The following FLI1 variants were observed in gnomAD, a reference collection of about 807,000 sequenced individuals.
FLI1 encodes the protein Friend leukemia integration 1 transcription factor.
In FLI1, 13 loss-of-function variants were observed where a neutral mutation model predicts 53.1. The ratio of observed to expected loss-of-function variants is 0.24; its 90% CI spans 0.16 to 0.39. The LOEUF (loss-of-function observed/expected upper bound fraction) is 0.39, where lower values mean the gene tolerates loss of function less well. Among genes scored for constraint, FLI1 ranks in the 10% least tolerant of loss-of-function variants. The pLI is 1.00. For synonymous variants in FLI1, 244 were observed against 236.7 expected, an observed-to-expected ratio of 1.03 and a Z score of -0.28; for missense variants, 424 against 600.5, an observed-to-expected ratio of 0.71 and a Z score of 3.07.
intron 1 of FLI1, chr11:128,695,886 G>T (rs1313057109): frequency 6.6e-6 from 1 of 152,098 alleles, no homozygotes; most frequent in African/African-American, 2.4e-5. Flanking sequence ...AAACTCCCTC[G>T]CCCCAATCAG....
chr11:128,811,616 A>C lies in FLI1; in HGVS notation c.*628A>C, dbSNP rs7130622. The C allele has an allele frequency of 0.029, 6,280 of 214,520 alleles. 365 individuals are homozygous for C. The highest frequency in any genetic ancestry group is 0.13 in the African/African-American group (5,776 of 44,208). 13.3% of individuals were successfully genotyped at this position (214,520 alleles called of 1,614,324 possible). A position where few individuals can be genotyped will look rare whatever the true frequency, so the allele number is the denominator to read the frequency against. On this transcript the variant is annotated 3_prime_UTR_variant, in exon 9 of 9. Transcript: ENST00000527786. Reference sequence around the variant, plus strand: ...GCACTCAGCTGACCACTCTCTCTAGAAATAGTCAAGATATGAACTAAGAAA... The same window carrying C: ...GCACTCAGCTGACCACTCTCTCTAGCAATAGTCAAGATATGAACTAAGAAA...
intron 1 of FLI1, among the ~76,000 whole-genome samples, chr11:128,738,318 A>T (rs1183915768): frequency 6.6e-6 from 1 of 152,168 alleles, no homozygotes; most frequent in Admixed American, 6.5e-5. Flanking sequence ...CTAATATCCC[A>T]TAGCTAAGAA....
intron 1 of FLI1, among the ~76,000 whole-genome samples, chr11:128,757,084 CTTTCTTTCTTTCTTTCTT>C (rs1565484350): frequency 8.7e-5 from 13 of 149,206 alleles, no homozygotes; most frequent in Non-Finnish European, 1.3e-4. Flanking sequence ...TTCTTTCTTT[CTTTCTTTCTTTCTTTCTT>C]TCTTTCTTTC....
chr11:128,807,920 G>A (rs949035482), intron 7 of FLI1, among the ~76,000 whole-genome samples: 2 of 152,156 alleles, frequency 1.3e-5, no homozygotes, highest in Admixed American at 6.5e-5. Context: ...GACAGCTGCT[G>A]TGCCCAAGCC....
At chr11:128,743,229 A>T (rs1309443834) in intron 1 of FLI1, among the ~76,000 whole-genome samples, 1 of 152,046 alleles carries the variant, frequency 6.6e-6, no homozygotes, top group Non-Finnish European at 1.5e-5. Context: ...CTCTACAAAA[A>T]ATAAAGAATA....
At chr11:128,791,362 T>C (rs1053833154) in intron 5 of FLI1, among the ~76,000 whole-genome samples, 9 of 152,104 alleles carry the variant, frequency 5.9e-5, no homozygotes, top group African/African-American at 2.2e-4. Context: ...CCCCAGTCCA[T>C]ATTCTAGGAA....
At chr11:128,806,169 G>C (rs1281399245) in intron 6 of FLI1, 1 of 151,992 alleles carries the variant, frequency 6.6e-6, no homozygotes, top group Admixed American at 6.5e-5. Flanking sequence ...CAATAACCAA[G>C]ACCCCTTCCA....
intron 1 of FLI1, among the ~76,000 whole-genome samples, chr11:128,746,324 C>T (rs1419731994): frequency 6.6e-6 from 1 of 152,150 alleles, no homozygotes; most frequent in African/African-American, 2.4e-5. Context: ...AGGAAAGTTC[C>T]CATGACCCCA....
chr11:128,722,135 G>A (rs1029667536), intron 1 of FLI1, among the ~76,000 whole-genome samples: 1 of 152,172 alleles, frequency 6.6e-6, no homozygotes, highest in African/African-American at 2.4e-5. Flanking sequence ...GAACGTCCAG[G>A]AGGTTCATGT....
chr11:128,741,993 G>C (rs77228550), intron 1 of FLI1, among the ~76,000 whole-genome samples: 10,771 of 152,168 alleles, frequency 0.071, 1,265 homozygotes, highest in African/African-American at 0.25. Context: ...GGACCTTATT[G>C]TTATTTCATC....
At chr11:128,763,727 G>A (rs2135821370) in intron 2 of FLI1, among the ~76,000 whole-genome samples, 1 of 152,286 alleles carries the variant, frequency 6.6e-6, no homozygotes, top group East Asian at 1.9e-4. Flanking sequence ...CTTGCAGTAT[G>A]AGACATGTCA....
At chr11:128,768,360 T>G in intron 3 of FLI1, 88 bp downstream of exon 3, 1 of 1,517,700 alleles carries the variant, frequency 6.6e-7, no homozygotes, top group Non-Finnish European at 9.1e-7. Flanking sequence ...TCTGATACTC[T>G]ATTCCCTGTG....
intron 5 of FLI1, among the ~76,000 whole-genome samples, chr11:128,797,245 C>CA (rs759573063): frequency 1.3e-5 from 2 of 152,208 alleles, no homozygotes; most frequent in Non-Finnish European, 2.9e-5. Flanking sequence ...ATATGGGGTT[C>CA]ATCTCACCTT....
chr11:128,779,225 T>C (rs1005800311), intron 4 of FLI1, among the ~76,000 whole-genome samples: 1 of 152,252 alleles, frequency 6.6e-6, no homozygotes. Context: ...CGGCTACATC[T>C]GCACTAATGA....
At position 128,811,254 on chromosome 11, in the gene FLI1, A is replaced by G; in HGVS notation, c.*266A>G. 2.0e-6 allele frequency: 1 copy of G among 511,028 alleles called. No individual in the cohort carries two copies. The highest frequency in any genetic ancestry group is 3.5e-6 in the Non-Finnish European group (1 of 288,266). The allele number at this position is 511,028 out of a possible 1,614,324, so 31.7% of individuals were successfully genotyped here. On this transcript the variant is annotated 3_prime_UTR_variant, in exon 9 of 9. Transcript: ENST00000527786. ...AGTCTCCTAGCATCTTGTGAGTTGC[A>G]TATTAAGATTACTGGAATGGTTAAG... is the stretch of plus-strand genomic sequence containing the variant.
chr11:128,789,969 A>G (rs1942219038), intron 5 of FLI1, among the ~76,000 whole-genome samples: 1 of 151,872 alleles, frequency 6.6e-6, no homozygotes, highest in African/African-American at 2.4e-5. Context: ...TGTGAAGAAC[A>G]TTGTCATTAT....
intron 5 of FLI1, among the ~76,000 whole-genome samples, chr11:128,783,877 C>A (rs932930227): frequency 6.7e-6 from 1 of 149,914 alleles, no homozygotes; most frequent in East Asian, 2.0e-4. Flanking sequence ...TAGGGATCCA[C>A]TTTTTGGAAG....
At chr11:128,759,796 G>A (rs1343663670) in intron 2 of FLI1, among the ~76,000 whole-genome samples, 1 of 152,366 alleles carries the variant, frequency 6.6e-6, no homozygotes, top group East Asian at 1.9e-4. Flanking sequence ...CTGAAGCTCA[G>A]ATAATCTTTC....
chr11:128,766,152 C>T (rs1941331293), intron 2 of FLI1, among the ~76,000 whole-genome samples: 2 of 152,270 alleles, frequency 1.3e-5, no homozygotes, highest in Middle Eastern at 3.4e-3. Flanking sequence ...GGTGAGGGGA[C>T]CCAGTGCACT....
Sources: allele counts gnomAD v4.1 joint callset (sites outside exome capture counted in the v4.1 genomes callset), GRCh38; gene constraint gnomAD v4.1.1; transcripts MANE v1.5; gene names NCBI Gene and HGNC (gene_info 2026-07-23, HGNC 2026-07-21).